The following COBL variants were observed in gnomAD, a reference collection of about 807,000 sequenced individuals.
COBL encodes protein cordon-bleu.
Under a neutral mutation model 98.8 loss-of-function variants are expected in COBL, and 51 were observed. The observed-to-expected ratio is 0.52, with a 90% CI of 0.41 to 0.65. The LOEUF (loss-of-function observed/expected upper bound fraction) is 0.65, where lower values mean the gene tolerates loss of function less well. Among genes scored for constraint, COBL ranks in the 30% least tolerant of loss-of-function variants. COBL has a pLI of 0.00. For missense variants in COBL, 1,617 were observed against 1,617.5 expected, an observed-to-expected ratio of 1.00 and a Z score of 0.01; for synonymous variants, 634 against 651.7, an observed-to-expected ratio of 0.97 and a Z score of 0.41.
Position 51,250,821 on chromosome 7 carries a change from G to A in COBL, c.42-30877C>T, listed in dbSNP as rs186420898. Among the ~76,000 whole-genome samples, 175 of 152,232 alleles carry A rather than the reference G, an allele frequency of 1.1e-3. 2 individuals are homozygous for A. Among genetic ancestry groups the A allele is most frequent in the Middle Eastern group, 3.4e-3 (1 of 294 alleles). On this transcript the variant is annotated intron_variant, in intron 1 of 12. Transcript: ENST00000265136. ...AATGGGCTGGATTTCAGTCCCTCTTGCTCCCTTGACTGGGAACCCTTATGC... is the reference window on the plus strand; with the variant it reads ...AATGGGCTGGATTTCAGTCCCTCTTACTCCCTTGACTGGGAACCCTTATGC...
Position 51,288,207 on chromosome 7 carries a change from G to T in COBL, c.41+28386C>A, listed in dbSNP as rs1020530138. Among the ~76,000 whole-genome samples the T allele has an allele frequency of 4.6e-5, 7 of 152,102 alleles. No homozygotes were observed. In the East Asian group the frequency reaches 1.2e-3, roughly 25 times the overall value. ...CCAGCACTTTGGGAGGCCGAGGCGGGTGGATCACCTGAGTTCAGGAGTTCG... is the reference window on the plus strand; with the variant it reads ...CCAGCACTTTGGGAGGCCGAGGCGGTTGGATCACCTGAGTTCAGGAGTTCG... On this transcript the variant is annotated intron_variant, in intron 1 of 12. Transcript: ENST00000265136.
At chr7:51,076,891 T>C (rs1433399584) in intron 7 of COBL, among the ~76,000 whole-genome samples, 2 of 152,226 alleles carry the variant, frequency 1.3e-5, no homozygotes, top group South Asian at 4.1e-4. Context: ...TAAAGTAAAT[T>C]GAGGATCTGT....
intron 1 of COBL, among the ~76,000 whole-genome samples, chr7:51,240,112 C>G (rs983016263): frequency 3.3e-5 from 5 of 152,158 alleles, no homozygotes; most frequent in African/African-American, 1.2e-4. Context: ...AAGAACCACT[C>G]TTAGATTGCA....
chr7:51,071,579 T>C (rs1437256571), intron 7 of COBL: 1 of 152,192 alleles, frequency 6.6e-6, no homozygotes, highest in Non-Finnish European at 1.5e-5. Flanking sequence ...CATACCTCTG[T>C]CCTCTATTTT....
chr7:51,258,974 C>T (rs898851817), intron 1 of COBL, among the ~76,000 whole-genome samples: 4 of 152,148 alleles, frequency 2.6e-5, no homozygotes. Context: ...TCATCCCAAT[C>T]TCAAAGTTAC....
At chr7:51,038,751 G>A (rs574813513) in intron 8 of COBL, among the ~76,000 whole-genome samples, 3 of 152,296 alleles carry the variant, frequency 2.0e-5, no homozygotes, top group Admixed American at 6.5e-5. Context: ...AGCTGAAGAT[G>A]TCTGGGGCTA....
intron 2 of COBL, among the ~76,000 whole-genome samples, chr7:51,196,625 G>A (rs1387940478): frequency 2.0e-5 from 3 of 152,036 alleles, no homozygotes; most frequent in Non-Finnish European, 4.4e-5. Flanking sequence ...GAATTCAGCT[G>A]TGAATCCGTT....
chr7:51,212,175 A>T (rs545631072), intron 2 of COBL, among the ~76,000 whole-genome samples: 1 of 152,312 alleles, frequency 6.6e-6, no homozygotes, highest in South Asian at 2.1e-4. Flanking sequence ...ACTTAATAGA[A>T]TTATTATACT....
chr7:51,166,123 T>C (rs1787298263), intron 5 of COBL, among the ~76,000 whole-genome samples: 1 of 151,470 alleles, frequency 6.6e-6, no homozygotes, highest in Non-Finnish European at 1.5e-5. Context: ...AGAGCAGAAA[T>C]AAATGAAATT....
At chr7:51,117,285 T>C (rs1450886010) in intron 6 of COBL, among the ~76,000 whole-genome samples, 1 of 152,030 alleles carries the variant, frequency 6.6e-6, no homozygotes, top group Admixed American at 6.6e-5. Flanking sequence ...CCCTTGTTTT[T>C]TCAAATATTT....
intron 5 of COBL, among the ~76,000 whole-genome samples, chr7:51,175,536 T>C (rs924543667): frequency 6.6e-6 from 1 of 152,258 alleles, no homozygotes; most frequent in Non-Finnish European, 1.5e-5. Context: ...ACAGGTTTGA[T>C]ACATCGTTAA....
intron 1 of COBL, among the ~76,000 whole-genome samples, chr7:51,247,504 T>C (rs1054318989): frequency 1.1e-4 from 16 of 152,174 alleles, no homozygotes; most frequent in African/African-American, 3.6e-4. Context: ...ATTGGGGAGA[T>C]GGTGGCTTTA....
At chr7:51,231,611 C>T (rs1794764612) in intron 1 of COBL, among the ~76,000 whole-genome samples, 1 of 152,184 alleles carries the variant, frequency 6.6e-6, no homozygotes. Context: ...CCAGGGCTGT[C>T]CACAGCAGCA....
intron 6 of COBL, among the ~76,000 whole-genome samples, chr7:51,088,928 A>C (rs1242928955): frequency 6.6e-6 from 1 of 152,154 alleles, no homozygotes; most frequent in Non-Finnish European, 1.5e-5. Flanking sequence ...GTGTCGGTGC[A>C]GACTTGGTTG....
intron 5 of COBL, among the ~76,000 whole-genome samples, chr7:51,142,160 GA>G (rs1799815280): frequency 6.6e-6 from 1 of 152,092 alleles, no homozygotes; most frequent in African/African-American, 2.4e-5. Context: ...TCTAGAGGGT[GA>G]GGCGAGTAGG....
At chr7:51,086,510 C>T (rs1794266565) in intron 6 of COBL, among the ~76,000 whole-genome samples, 1 of 152,008 alleles carries the variant, frequency 6.6e-6, no homozygotes, top group African/African-American at 2.4e-5. Flanking sequence ...ATGGTGCCTG[C>T]AACACCCTGC....
intron 2 of COBL, among the ~76,000 whole-genome samples, chr7:51,213,888 T>C (rs995641169): frequency 2.6e-5 from 4 of 151,980 alleles, no homozygotes; most frequent in Admixed American, 6.6e-5. Flanking sequence ...GCTCTCATGA[T>C]GTGAATTTAG....
chr7:51,187,310 GTATATATATA>G (rs67807746), intron 4 of COBL, among the ~76,000 whole-genome samples: 1 of 138,434 alleles, frequency 7.2e-6, no homozygotes, highest in Non-Finnish European at 1.6e-5. Context: ...ATATGTTTAA[GTATATATATA>G]TATATATATA....
chr7:51,217,164 C>G (rs1286086256), intron 2 of COBL, among the ~76,000 whole-genome samples: 1 of 152,160 alleles, frequency 6.6e-6, no homozygotes, highest in Non-Finnish European at 1.5e-5. Flanking sequence ...CATTACAAAA[C>G]TTCATGGTGG....
Sources: gnomAD v4.1 joint callset for allele counts (sites outside exome capture counted in the v4.1 genomes callset) on GRCh38, gnomAD v4.1.1 for gene constraint, MANE v1.5 for transcripts, NCBI Gene and HGNC (gene_info 2026-07-23, HGNC 2026-07-21) for gene names.